Variants in SNRPN observed in about 807,000 individuals in gnomAD.
The protein encoded by SNRPN is small nuclear ribonucleoprotein-associated protein N.
In SNRPN, 7 loss-of-function variants were observed where a neutral mutation model predicts 25.2. The observed-to-expected ratio is 0.28, with a 90% CI of 0.16 to 0.52. SNRPN has a LOEUF of 0.52. Ranked by LOEUF, SNRPN falls within the 20% of genes least tolerant of loss-of-function variation. SNRPN has a pLI of 0.96. For missense variants in SNRPN, 196 were observed against 322.5 expected (o/e 0.61, Z 3.00); for synonymous variants, 124 against 110.6 (o/e 1.12, Z -0.76).
intron 2 of SNRPN, among the ~76,000 whole-genome samples, chr15:24,888,809 A>C (rs1226501561): frequency 6.6e-6 from 1 of 152,252 alleles, no homozygotes; most frequent in African/African-American, 2.4e-5. Context: ...ATGTAGGCAT[A>C]TACAGGCTCT....
At chr15:24,829,264 T>C (rs1259302182) in intron 1 of SNRPN, among the ~76,000 whole-genome samples, 3 of 152,084 alleles carry the variant, frequency 2.0e-5, no homozygotes, top group Non-Finnish European at 4.4e-5. Context: ...GTGGAAGAGC[T>C]GCCCTTGGGA....
rs143624229 is a variant in SNRPN at position 24,910,579 on chromosome 15, C to T, written c.-504-9432C>T. 3.3e-3 allele frequency among the ~76,000 whole-genome samples: 509 copies of T among 152,176 alleles called. 5 individuals carry two copies. Among genetic ancestry groups the T allele is most frequent in the African/African-American group, 0.012 (489 of 41,512 alleles). On this transcript the variant is annotated intron_variant, in intron 2 of 11. Transcript: ENST00000400097. ...CGATCTCGGCTCACTGCAACCTCTG[C>T]CTCCTCCCGGGTTCAAGTGATTCTC...
upstream of SNRPN, chr15:24,954,853 A>C (rs1052991544): frequency 1.9e-5 from 14 of 720,588 alleles, no homozygotes; most frequent in African/African-American, 2.3e-4. Context: ...CCCCCAGGTC[A>C]TTCCGGTGAG....
At chr15:24,955,614 T>TTCG (rs1223317633) in intron 1 of SNRPN, among the ~76,000 whole-genome samples, 2 of 136,504 alleles carry the variant, frequency 1.5e-5, no homozygotes, top group Non-Finnish European at 3.1e-5. Flanking sequence ...GGGGGGGGAA[T>TTCG]TCGTCGCAGT....
At chr15:24,878,105 CAT>C (rs2056162414) in intron 1 of SNRPN, among the ~76,000 whole-genome samples, 1 of 152,182 alleles carries the variant, frequency 6.6e-6, no homozygotes, top group South Asian at 2.1e-4. Flanking sequence ...TGTTTCCATA[CAT>C]ATATTCAGTA....
intron 3 of SNRPN, among the ~76,000 whole-genome samples, chr15:24,922,276 A>G (rs530312811): frequency 1.3e-5 from 2 of 152,270 alleles, no homozygotes; most frequent in African/African-American, 2.4e-5. Context: ...TCACACATGA[A>G]AGTGGCAGGG....
chr15:24,902,162 G>A (rs1337652820), intron 2 of SNRPN, among the ~76,000 whole-genome samples: 1 of 152,184 alleles, frequency 6.6e-6, no homozygotes, highest in Non-Finnish European at 1.5e-5. Flanking sequence ...GCATGTGGTA[G>A]ATGGAGAGGT....
chr15:24,856,988 C>T (rs115998542), intron 1 of SNRPN, among the ~76,000 whole-genome samples: 337 of 152,188 alleles, frequency 2.2e-3, no homozygotes, highest in African/African-American at 7.9e-3. Context: ...GCAGATGTCA[C>T]GCGGTTTTTA....
At chr15:24,826,266 T>C (rs1310080801) in intron 1 of SNRPN, among the ~76,000 whole-genome samples, 1 of 152,106 alleles carries the variant, frequency 6.6e-6, no homozygotes, top group African/African-American at 2.4e-5. Flanking sequence ...GAGGTCTTGA[T>C]GGAATTGGGC....
At chr15:24,915,273 G>A (rs929782862) in intron 2 of SNRPN, among the ~76,000 whole-genome samples, 7 of 151,754 alleles carry the variant, frequency 4.6e-5, no homozygotes, top group South Asian at 4.2e-4. Context: ...GATTACAGGC[G>A]TGCACCACCA....
intron 1 of SNRPN, among the ~76,000 whole-genome samples, chr15:24,867,376 GT>G (rs1417168109): frequency 0.011 from 1,505 of 131,474 alleles, 31 homozygotes; most frequent in African/African-American, 0.037. Flanking sequence ...ATTTAAATAA[GT>G]TTTTTTTTTT....
intron 2 of SNRPN, among the ~76,000 whole-genome samples, chr15:24,845,504 A>C (rs1232332935): frequency 6.6e-6 from 1 of 152,096 alleles, no homozygotes; most frequent in South Asian, 2.1e-4. Flanking sequence ...AGTCTGAGGC[A>C]GGAGAATCCC....
chr15:24,917,168 G>GC (rs1054639012), intron 2 of SNRPN, among the ~76,000 whole-genome samples: 1 of 152,082 alleles, frequency 6.6e-6, no homozygotes, highest in African/African-American at 2.4e-5. Context: ...GTTCTCCAAG[G>GC]CCCCACCTGA....
chr15:24,925,571 T>C (rs11635323), intron 3 of SNRPN, among the ~76,000 whole-genome samples: 10,246 of 152,218 alleles, frequency 0.067, 614 homozygotes, highest in East Asian at 0.33. Flanking sequence ...ACTGCTTTTA[T>C]AGAGTCCTCC....
rs426541 is a variant in SNRPN, at chr15:24,962,126, C to T, written c.-378C>T. 2.2e-3 allele frequency: 3,536 copies of T among 1,614,098 alleles called. 48 individuals are homozygous for T. In the African/African-American group the frequency reaches 0.034, roughly 15 times the overall value. The stretch of plus-strand genomic sequence containing the variant: ...TTTTCTGTTTCAGGGATCGCTTACA[C>T]CTGAGACGAACTACAGAACAGCACG... On this transcript the variant is annotated 5_prime_UTR_variant, in exon 2 of 10. Transcript: ENST00000390687.
intron 3 of SNRPN, among the ~76,000 whole-genome samples, chr15:24,937,486 G>C (rs1017326472): frequency 6.6e-6 from 1 of 151,980 alleles, no homozygotes; most frequent in African/African-American, 2.4e-5. Context: ...TCTCACCACT[G>C]TACTCTAGCC....
intron 1 of SNRPN, among the ~76,000 whole-genome samples, chr15:24,862,715 G>A (rs1165036672): frequency 2.0e-5 from 3 of 150,968 alleles, no homozygotes; most frequent in Non-Finnish European, 1.5e-5. Context: ...AGGAACTCAG[G>A]GGACAGGCAT....
upstream of SNRPN, chr15:24,954,916 C>T (rs2062582535): frequency 2.2e-6 from 3 of 1,358,650 alleles, no homozygotes; most frequent in Non-Finnish European, 3.1e-6. Context: ...TGCGCGGCCG[C>T]AGAGGCAGGC....
chr15:24,962,044 A>G, intron 1 of SNRPN, 70 bp from the exon 2 acceptor site: 1 of 1,249,008 alleles, frequency 8.0e-7, no homozygotes, highest in Non-Finnish European at 1.2e-6. Context: ...TTCTAAATAT[A>G]ACCTTGACAA....
Sources: gnomAD v4.1 joint callset for allele counts (sites outside exome capture counted in the v4.1 genomes callset) on GRCh38, gnomAD v4.1.1 for gene constraint, MANE v1.5 for transcripts, NCBI Gene and HGNC (gene_info 2026-07-23, HGNC 2026-07-21) for gene names.